PTPRO: variants seen among roughly 807,000 people sequenced by gnomAD.
PTPRO encodes the protein protein tyrosine phosphatase receptor type O.
Under a neutral mutation model 145.2 loss-of-function variants are expected in PTPRO, and 62 were observed. The observed-to-expected ratio is 0.43, with a 90% CI of 0.35 to 0.53. The LOEUF is 0.53. PTPRO is among the 20% of genes least tolerant of loss of function. The probability of loss-of-function intolerance (pLI) is 0.01; values close to 1 mark genes in which losing one functional copy is unlikely to be tolerated. For synonymous variants in PTPRO, 565 were observed against 514.7 expected (o/e 1.10, Z -1.32); for missense variants, 1,345 against 1,482.7 (o/e 0.91, Z 1.53).
At chr12:15,347,813 C>T (rs866996282) in intron 1 of PTPRO, among the ~76,000 whole-genome samples, 3 of 152,068 alleles carry the variant, frequency 2.0e-5, no homozygotes, top group African/African-American at 7.2e-5. Flanking sequence ...ATTTGCATGG[C>T]CCCATGCAGG....
intron 1 of PTPRO, among the ~76,000 whole-genome samples, chr12:15,406,201 T>G (rs1359054163): frequency 6.6e-6 from 1 of 152,176 alleles, no homozygotes; most frequent in East Asian, 1.9e-4. Context: ...GATTTGTAAT[T>G]ACCACAATTA....
At chr12:15,517,642 C>A (rs1189524342) in intron 9 of PTPRO, among the ~76,000 whole-genome samples, 1 of 152,212 alleles carries the variant, frequency 6.6e-6, no homozygotes, top group African/African-American at 2.4e-5. Flanking sequence ...ATTGACACAG[C>A]TGTTCCAAAT....
chr12:15,459,718 G>C lies in PTPRO; in HGVS notation c.76-24256G>C, dbSNP rs936862687. Among the ~76,000 whole-genome samples the C allele has an allele frequency of 5.9e-5, 9 of 152,140 alleles. No homozygotes were observed. The East Asian group carries it at 1.7e-3, about 29-fold the overall frequency. ...CTGATGTTACTGTCCTCTAATTCTT[G>C]AATGCCTTCTATGTAACAGAGAATT... On this transcript the variant is annotated intron_variant, in intron 1 of 26. Transcript: ENST00000281171.
intron 2 of PTPRO, among the ~76,000 whole-genome samples, chr12:15,493,108 C>T (rs147961653): frequency 2.6e-5 from 4 of 152,028 alleles, no homozygotes; most frequent in African/African-American, 4.8e-5. Flanking sequence ...AGAAAAAAAG[C>T]GAAGTATCTA....
intron 1 of PTPRO, among the ~76,000 whole-genome samples, chr12:15,432,802 A>C (rs1052090249): frequency 6.6e-6 from 1 of 152,152 alleles, no homozygotes; most frequent in Non-Finnish European, 1.5e-5. Context: ...CATGTCTTCT[A>C]TAGAAAAGTG....
At chr12:15,576,874 C>A (rs1046097943) in intron 19 of PTPRO, among the ~76,000 whole-genome samples, 1 of 152,066 alleles carries the variant, frequency 6.6e-6, no homozygotes, top group African/African-American at 2.4e-5. Flanking sequence ...GAAAAAATAT[C>A]TATGCAGGCA....
At position 15,501,774 on chromosome 12, in the gene PTPRO, T is replaced by G. The variant is rs1158732452; in HGVS notation, c.816T>G (p.Pro272=). ...EKLFHFTEET[P]EIPSGNISSG... Reference sequence around the variant, plus strand: ...TCTTCCATTTTACAGAAGAAACCCCTGAAATTCCCTCGGGCAACATTTCTT... The same window carrying G: ...TCTTCCATTTTACAGAAGAAACCCCGGAAATTCCCTCGGGCAACATTTCTT... The change falls in exon 5 of 27, where the codon CCT becomes CCG. Residue 272 remains proline, a synonymous_variant. Transcript: ENST00000281171. 6.2e-7 allele frequency: 1 copy of G among 1,614,116 alleles called. No individual in the cohort carries two copies.
At chr12:15,487,452 T>A (rs1218521193) in intron 2 of PTPRO, among the ~76,000 whole-genome samples, 2 of 152,150 alleles carry the variant, frequency 1.3e-5, no homozygotes, top group Non-Finnish European at 2.9e-5. Context: ...AAAGGAAAGA[T>A]TTTTCTGCCC....
Position 15,516,793 on chromosome 12 carries a change from A to G in PTPRO, c.1616A>G (p.Tyr539Cys), listed in dbSNP as rs1942608215. Residue 539 changes from tyrosine to cysteine, a missense_variant, in exon 9 of 27, where the codon TAT becomes TGT. Transcript: ENST00000281171. ...VPTGIKDLML[Y>C]PLGPTAVVLS... ...ACAGGAATAAAGGATTTAATGCTCT[A>G]TCCTTTGGGTCCTACGGCCGTGGTT... The G allele has an allele frequency of 1.2e-5, 20 of 1,611,130 alleles. No individual in the cohort carries two copies. The highest frequency in any genetic ancestry group is 1.7e-5 in the Non-Finnish European group (20 of 1,177,262).
At chr12:15,427,574 A>G (rs543249010) in intron 1 of PTPRO, among the ~76,000 whole-genome samples, 8 of 151,898 alleles carry the variant, frequency 5.3e-5, no homozygotes, top group South Asian at 4.2e-4. Flanking sequence ...AAGTTTATAC[A>G]TTTTAATTAT....
At chr12:15,357,079 A>G (rs1011000954) in intron 1 of PTPRO, among the ~76,000 whole-genome samples, 5 of 152,240 alleles carry the variant, frequency 3.3e-5, no homozygotes, top group Non-Finnish European at 5.9e-5. Flanking sequence ...AGAGCAGGGT[A>G]TAAACAGGTC....
intron 1 of PTPRO, among the ~76,000 whole-genome samples, chr12:15,382,997 T>G (rs1421855339): frequency 6.6e-6 from 1 of 152,200 alleles, no homozygotes; most frequent in Non-Finnish European, 1.5e-5. Context: ...TTTAGCAATT[T>G]TAAAATATAC....
At chr12:15,358,940 C>A (rs1440511066) in intron 1 of PTPRO, among the ~76,000 whole-genome samples, 1 of 152,182 alleles carries the variant, frequency 6.6e-6, no homozygotes, top group South Asian at 2.1e-4. Flanking sequence ...ACTTTTGTTT[C>A]CTCCTGCTTT....
intron 7 of PTPRO, among the ~76,000 whole-genome samples, chr12:15,512,321 G>A (rs1462353852): frequency 6.6e-6 from 1 of 151,882 alleles, no homozygotes; most frequent in African/African-American, 2.4e-5. Context: ...CATCGTGTTG[G>A]TCAGGCTGGT....
Position 15,528,636 on chromosome 12 carries a change from C to G in PTPRO, c.2164+2374C>G, listed in dbSNP as rs142570979. Among the ~76,000 whole-genome samples, 872 of 151,968 alleles carry G rather than the reference C, an allele frequency of 5.7e-3. 9 individuals carry two copies. Among genetic ancestry groups the G allele is most frequent in the African/African-American group, 0.02 (841 of 41,486 alleles). On this transcript the variant is annotated intron_variant, in intron 12 of 26. Coordinates refer to ENST00000281171, the MANE Select transcript of PTPRO (RefSeq NM_030667.3). Reference sequence around the variant, plus strand: ...GAAAGAAATAATAATAGAAAACATTCCAAAACTTGAGACAGGTACAAATAG... The same window carrying G: ...GAAAGAAATAATAATAGAAAACATTGCAAAACTTGAGACAGGTACAAATAG...
At chr12:15,473,768 CAAAA>C (rs11340085) in intron 1 of PTPRO, among the ~76,000 whole-genome samples, 1 of 65,576 alleles carries the variant, frequency 1.5e-5, no homozygotes. Flanking sequence ...GACTCCATCT[CAAAA>C]AAAAAAAAAA....
intron 1 of PTPRO, among the ~76,000 whole-genome samples, chr12:15,436,607 G>C (rs559433957): frequency 6.6e-6 from 1 of 152,160 alleles, no homozygotes; most frequent in East Asian, 1.9e-4. Flanking sequence ...GGAGAGTCTT[G>C]GAGAAACTGT....
At chr12:15,356,827 AT>A (rs778571718) in intron 1 of PTPRO, among the ~76,000 whole-genome samples, 2 of 152,046 alleles carry the variant, frequency 1.3e-5, no homozygotes, top group African/African-American at 4.8e-5. Flanking sequence ...CTCTATAACT[AT>A]TTTTTAATCA....
intron 1 of PTPRO, among the ~76,000 whole-genome samples, chr12:15,389,104 ATTTT>A (rs148751888): frequency 7.3e-6 from 1 of 137,734 alleles, no homozygotes; most frequent in African/African-American, 2.8e-5. Flanking sequence ...TAAATAAAGA[ATTTT>A]TTTTTTTTTT....
Sources: gnomAD v4.1 joint callset for allele counts (sites outside exome capture counted in the v4.1 genomes callset) on GRCh38, gnomAD v4.1.1 for gene constraint, MANE v1.5 for transcripts, NCBI Gene and HGNC (gene_info 2026-07-23, HGNC 2026-07-21) for gene names.